The following UBTF variants were observed in gnomAD, a reference collection of about 807,000 sequenced individuals.
The protein encoded by UBTF is nucleolar transcription factor 1.
UBTF carries 8 observed loss-of-function variants against 112.3 expected under a neutral mutation model. That is an observed-to-expected ratio of 0.07 (90% CI 0.04 to 0.13). The LOEUF (loss-of-function observed/expected upper bound fraction) is 0.13, where lower values mean the gene tolerates loss of function less well. Among genes scored for constraint, UBTF ranks in the 10% least tolerant of loss-of-function variants. UBTF has a pLI of 1.00. For synonymous variants in UBTF, 417 were observed against 373.1 expected (o/e 1.12, Z -1.36); for missense variants, 457 against 982.1 (o/e 0.47, Z 7.15).
chr17:44,206,876 A>T lies in UBTF; in HGVS notation c.*366T>A. 2 of 342,746 alleles carry T rather than the reference A, an allele frequency of 5.8e-6. No individual in the cohort carries two copies. Among genetic ancestry groups the T allele is most frequent in the East Asian group, 4.7e-5 (1 of 21,142 alleles). The allele number at this position is 342,746 out of a possible 1,614,324, so 21.2% of individuals were successfully genotyped here. A position where few individuals can be genotyped will look rare whatever the true frequency, so the allele number is the denominator to read the frequency against. ...TCCACCCCACCTTGGATTGGGCCGC[A>T]GGTGTGGAGGGCCTCATCAAACTCT... is the stretch of plus-strand genomic sequence containing the variant. On this transcript the variant is annotated 3_prime_UTR_variant, in exon 21 of 21. Transcript: ENST00000436088.
Position 44,205,971 on chromosome 17 carries a change from T to G in UBTF, c.*1271A>C, listed in dbSNP as rs1370624056. Reference sequence around the variant, plus strand: ...GGAGGAGGGAGCAGACCTGAGAAATTAAAGGAAATAGGGGGTGGTGGGAGG... The same window carrying G: ...GGAGGAGGGAGCAGACCTGAGAAATGAAAGGAAATAGGGGGTGGTGGGAGG... On this transcript the variant is annotated 3_prime_UTR_variant, in exon 21 of 21. Coordinates refer to ENST00000436088, the MANE Select transcript of UBTF (RefSeq NM_014233.4). 1 of 151,356 alleles carries G rather than the reference T, an allele frequency of 6.6e-6. No individual in the cohort carries two copies. Among genetic ancestry groups the G allele is most frequent in the Non-Finnish European group, 1.5e-5 (1 of 67,858 alleles). 9.4% of individuals were successfully genotyped at this position (151,356 alleles called of 1,614,324 possible). A position where few individuals can be genotyped will look rare whatever the true frequency, so the allele number is the denominator to read the frequency against.
rs1212788834 is a variant in UBTF, at chr17:44,207,614, C to A, written c.2026-17G>T. ...CTCGGACTCCTTGGAGGGATGGAGG[C>A]ACATCAGTGGTCTCTGGTCTCTGCC... On this transcript the variant is annotated splice_polypyrimidine_tract_variant and intron_variant, in intron 19 of 20. Transcript: ENST00000436088. The A allele has an allele frequency of 7.4e-6, 12 of 1,614,030 alleles. No homozygotes were observed. Among genetic ancestry groups the A allele is most frequent in the Non-Finnish European group, 9.3e-6 (11 of 1,180,016 alleles).
Position 44,205,198 on chromosome 17 carries a change from G to A in UBTF, c.*2044C>T, listed in dbSNP as rs2056182927. On this transcript the variant is annotated 3_prime_UTR_variant, in exon 21 of 21. Transcript: ENST00000436088. ...CCTACAAAACACTCCTTAAATATTA[G>A]AAAAGAAGTTGGGGGTGGGGATGGG... The A allele has an allele frequency of 6.6e-6, 1 of 152,564 alleles. No individual in the cohort carries two copies. 9.5% of individuals were successfully genotyped at this position (152,564 alleles called of 1,614,324 possible).
chr17:44,206,865 G>T lies in UBTF; in HGVS notation c.*377C>A. The T allele has an allele frequency of 3.1e-6, 1 of 317,692 alleles. No individual in the cohort carries two copies. The highest frequency in any genetic ancestry group is 5.7e-6 in the Non-Finnish European group (1 of 174,076). The allele number at this position is 317,692 out of a possible 1,614,324, so 19.7% of individuals were successfully genotyped here. A position where few individuals can be genotyped will look rare whatever the true frequency, so the allele number is the denominator to read the frequency against. On this transcript the variant is annotated 3_prime_UTR_variant, in exon 21 of 21. Coordinates refer to ENST00000436088, the MANE Select transcript of UBTF (RefSeq NM_014233.4). The stretch of plus-strand genomic sequence containing the variant: ...TTCCCCAAGCTTCCACCCCACCTTG[G>T]ATTGGGCCGCAGGTGTGGAGGGCCT...
chr17:44,205,813 C>G lies in UBTF; in HGVS notation c.*1429G>C, dbSNP rs1201340668. ...TTAGTCAACAAAAAAATAAGAACTA[C>G]AGAGATAAGGTGGCTTGGCTTATTA... On this transcript the variant is annotated 3_prime_UTR_variant, in exon 21 of 21. Coordinates refer to ENST00000436088, the MANE Select transcript of UBTF (RefSeq NM_014233.4). 6.6e-6 allele frequency: 1 copy of G among 152,198 alleles called. No homozygotes were observed. The highest frequency in any genetic ancestry group is 1.9e-4 in the East Asian group (1 of 5,200). 9.4% of individuals were successfully genotyped at this position (152,198 alleles called of 1,614,324 possible).
At chr17:44,217,914 G>A (rs1417993122) in intron 2 of UBTF, among the ~76,000 whole-genome samples, 1 of 152,146 alleles carries the variant, frequency 6.6e-6, no homozygotes, top group African/African-American at 2.4e-5. Context: ...GGCTGAATGG[G>A]AACCCCAGAA....
rs779990719 is a variant in UBTF at position 44,213,196 on chromosome 17, C to T, written c.539+22G>A. 3.1e-6 allele frequency: 5 copies of T among 1,611,234 alleles called. No individual in the cohort carries two copies. The Admixed American group carries it at 8.4e-5, about 27-fold the overall frequency. On this transcript the variant is annotated intron_variant, in intron 6 of 20. Coordinates refer to ENST00000436088, the MANE Select transcript of UBTF (RefSeq NM_014233.4). Reference sequence around the variant, plus strand: ...GCTGCCCCCAGTGCCCCGTGGCCCTCCTCTGGGCTCCACTGCCTTACCTGA... The same window carrying T: ...GCTGCCCCCAGTGCCCCGTGGCCCTTCTCTGGGCTCCACTGCCTTACCTGA...
In UBTF at chr17:44,209,504, T is replaced by C; in HGVS notation, c.1753A>G (p.Asn585Asp). The C allele has an allele frequency of 1.2e-6, 2 of 1,613,204 alleles. No individual in the cohort carries two copies. The highest frequency in any genetic ancestry group is 1.7e-6 in the Non-Finnish European group (2 of 1,179,244). Residue 585 changes from asparagine (N) to aspartate (D), a missense_variant, in exon 17 of 21, where the codon AAT (asparagine) becomes GAT (aspartate). Transcript: ENST00000436088. Reference protein sequence around the residue: ...YQKFSQELLSNGELNHLPLKE... With the variant: ...YQKFSQELLSDGELNHLPLKE... Reference sequence around the variant, plus strand: ...AGCGGCAGGTGGTTCAGCTCCCCATTGGACAGCAGCTCCTGGGAGAACTTC... The same window carrying C: ...AGCGGCAGGTGGTTCAGCTCCCCATCGGACAGCAGCTCCTGGGAGAACTTC...
In UBTF at chr17:44,210,236, T is replaced by C; in HGVS notation, c.1516-2A>G. 1 of 1,614,252 alleles carries C rather than the reference T, an allele frequency of 6.2e-7. No individual in the cohort carries two copies. On this transcript the variant is annotated splice_acceptor_variant, in intron 14 of 20. Transcript: ENST00000436088. LOFTEE classifies it high-confidence loss of function. Reference sequence around the variant, plus strand: ...TTTCAAGGCCTTCACCCGGTCATTCTGGGGACCAATAAGGGTATCAGCCGT... The same window carrying C: ...TTTCAAGGCCTTCACCCGGTCATTCCGGGGACCAATAAGGGTATCAGCCGT...
In UBTF at chr17:44,211,398, A is replaced by T; in HGVS notation, c.1048-67T>A. 6.2e-7 allele frequency: 1 copy of T among 1,605,520 alleles called. No homozygotes were observed. On this transcript the variant is annotated intron_variant, in intron 10 of 20. Coordinates refer to ENST00000436088, the MANE Select transcript of UBTF (RefSeq NM_014233.4). The surrounding 1 kb of genome is among the most constrained non-coding windows in gnomAD (Gnocchi z 4.9). ...TCACCACAGACCCTGCAGTACTCGG[A>T]GGACAGTGACCTTCAGCGGGCCTCC...
In UBTF at chr17:44,209,373, C is replaced by A; in HGVS notation, c.1884G>T (p.Val628=). 2 of 1,609,170 alleles carry A rather than the reference C, an allele frequency of 1.2e-6. No homozygotes were observed. The highest frequency in any genetic ancestry group is 1.7e-6 in the Non-Finnish European group (2 of 1,176,934). ...TCACCTTAACCCAGAGGTCCAGGTG[C>A]ACCTTGTACTGCTTTTGCTGCTCCT... ...LAEEQQKQYK[V]HLDLWVKSLS... The change falls in exon 17 of 21, where the codon GTG becomes GTT. Residue 628 remains valine (V), a synonymous_variant. Transcript: ENST00000436088.
rs749250272 is a variant in UBTF, at chr17:44,211,122, A to G, written c.1120T>C (p.Leu374=). Residue 374 remains leucine (L), a synonymous_variant, in exon 12 of 21, where the codon TTG becomes CTG. Transcript: ENST00000436088. This position sits in a 1 kb window ranked among gnomAD's most constrained non-coding sequence, Gnocchi z 4.9. ...SLPEEEQQRV[L]GEEKMLNINK... ...ATGTTCAGCATCTTCTCTTCCCCCA[A>G]GACCCGCTGCTGCTCCTCCTCAGGC... 6.2e-7 allele frequency: 1 copy of G among 1,613,230 alleles called. No individual in the cohort carries two copies. The highest frequency in any genetic ancestry group is 1.1e-5 in the South Asian group (1 of 91,070).
rs755867117 is a variant in UBTF at position 44,211,845 on chromosome 17, C to T, written c.905+28G>A. The T allele has an allele frequency of 2.7e-5, 43 of 1,607,406 alleles. No individual in the cohort carries two copies. Among genetic ancestry groups the T allele is most frequent in the African/African-American group, 2.4e-4 (18 of 74,834 alleles). ...CAGCCCAACTTCCCAGCTGCCCACT[C>T]GCCCACCCATCCCAGGGCAGCGCTC... On this transcript the variant is annotated intron_variant, in intron 9 of 20. Coordinates refer to ENST00000436088, the MANE Select transcript of UBTF (RefSeq NM_014233.4). This position sits in a 1 kb window ranked among gnomAD's most constrained non-coding sequence, Gnocchi z 4.9.
At position 44,212,371 on chromosome 17, in the gene UBTF, C is replaced by T. The variant is rs2056743454; in HGVS notation, c.744G>A (p.Lys248=). 6.2e-7 allele frequency: 1 copy of T among 1,613,298 alleles called. No homozygotes were observed. The highest frequency in any genetic ancestry group is 8.5e-7 in the Non-Finnish European group (1 of 1,179,930). The change falls in exon 8 of 21, where the codon AAG becomes AAA. Residue 248 remains lysine (K), a synonymous_variant. Transcript: ENST00000436088. ...CGTACTCCTTCCGCTGCTCCAGGGC[C>T]TTATGAATCCATTTCAGCCTCTTTT... ...SDKKRLKWIH[K]ALEQRKEYEE...
In UBTF at chr17:44,207,248, G is replaced by A. The variant is rs1567784814; in HGVS notation, c.2289C>T (p.Ser763=). The A allele has an allele frequency of 1.2e-6, 2 of 1,613,554 alleles. No individual in the cohort carries two copies. Among genetic ancestry groups the A allele is most frequent in the Non-Finnish European group, 1.7e-6 (2 of 1,179,848 alleles). Residue 763 remains serine (S), a synonymous_variant, in exon 21 of 21, where the codon TCC becomes TCT. Coordinates refer to ENST00000436088, the MANE Select transcript of UBTF (RefSeq NM_014233.4). ...SSSGDSSDSD[S]N is the part of the protein sequence containing the mutation. ...CCTGGGGTGGGGCTGAGCCTCAGTT[G>A]GAGTCAGAGTCTGAGGAGTCCCCTG...
chr17:44,218,098 A>G, intron 2 of UBTF, 74 bp downstream of exon 2: 1 of 1,468,620 alleles, frequency 6.8e-7, no homozygotes, highest in Admixed American at 1.7e-5. Context: ...AAGCCCTTGA[A>G]GAAGGGAGTG....
chr17:44,207,328 C>G lies in UBTF; in HGVS notation c.2209G>C (p.Asp737His), dbSNP rs1389924319. The G allele has an allele frequency of 6.2e-7, 1 of 1,612,552 alleles. No homozygotes were observed. The highest frequency in any genetic ancestry group is 8.5e-7 in the Non-Finnish European group (1 of 1,179,454). Reference sequence around the variant, plus strand: ...GACTCATTATCTTCATCCTCATCGTCATCCTCGTCGTCGTCTTCGTCCTCG... The same window carrying G: ...GACTCATTATCTTCATCCTCATCGTGATCCTCGTCGTCGTCTTCGTCCTCG... ...DDEDEDDDED[D>H]DEDEDNESEG... is the part of the protein sequence containing the mutation. Residue 737 changes from aspartate to histidine, a missense_variant, in exon 21 of 21, where the codon GAC becomes CAC. Asp to His is a moderately conservative substitution (Grantham distance 81, BLOSUM62 -1). Coordinates refer to ENST00000436088, the MANE Select transcript of UBTF (RefSeq NM_014233.4).
At position 44,211,875 on chromosome 17, in the gene UBTF, A is replaced by T. The variant is rs1375823340; in HGVS notation, c.903T>A (p.Pro301=). Residue 301 remains proline, a splice_region_variant and synonymous_variant, in exon 9 of 21, where the codon CCT becomes CCA. Coordinates refer to ENST00000436088, the MANE Select transcript of UBTF (RefSeq NM_014233.4). This position sits in a 1 kb window ranked among gnomAD's most constrained non-coding sequence, Gnocchi z 4.9. The part of the protein sequence containing the change: ...DKFDGRPTKP[P]PNSYSLYCAE... ...ACCCATCCCAGGGCAGCGCTCACGGAGGTGGCTTGGTGGGTCGCCCGTCAA... is the reference window on the plus strand; with the variant it reads ...ACCCATCCCAGGGCAGCGCTCACGGTGGTGGCTTGGTGGGTCGCCCGTCAA... 6.2e-7 allele frequency: 1 copy of T among 1,613,298 alleles called. No individual in the cohort carries two copies. Among genetic ancestry groups the T allele is most frequent in the Non-Finnish European group, 8.5e-7 (1 of 1,179,940 alleles).
In UBTF at chr17:44,210,207, T is replaced by G. The variant is rs1182568358; in HGVS notation, c.1543A>C (p.Met515Leu). Residue 515 changes from methionine to leucine, a missense_variant, in exon 15 of 21, where the codon ATG (methionine) becomes CTG (leucine). Met to Leu is a conservative substitution (Grantham distance 15). Transcript: ENST00000436088. ...KNDRVKALKA[M>L]EMTWNNMEKK... ...TCCATGTTATTCCAGGTCATTTCCA[T>G]GGCTTTCAAGGCCTTCACCCGGTCA... 6.2e-7 allele frequency: 1 copy of G among 1,614,236 alleles called. No individual in the cohort carries two copies. Among genetic ancestry groups the G allele is most frequent in the Non-Finnish European group, 8.5e-7 (1 of 1,180,036 alleles).
Sources: allele counts gnomAD v4.1 joint callset (sites outside exome capture counted in the v4.1 genomes callset), GRCh38; gene constraint gnomAD v4.1.1; non-coding constraint Gnocchi (gnomAD v3.1); transcripts MANE v1.5; gene names NCBI Gene and HGNC (gene_info 2026-07-23, HGNC 2026-07-21).